PPARGC1A: variants seen among roughly 807,000 people sequenced by gnomAD.
The protein encoded by PPARGC1A is peroxisome proliferator-activated receptor gamma coactivator 1-alpha.
Under a neutral mutation model 88.7 loss-of-function variants are expected in PPARGC1A, and 25 were observed. That is an observed-to-expected ratio of 0.28 (90% CI 0.21 to 0.39). PPARGC1A has a LOEUF of 0.39. PPARGC1A is among the 10% of genes least tolerant of loss of function. PPARGC1A has a pLI of 1.00. For missense variants in PPARGC1A, 880 were observed against 968.7 expected, an observed-to-expected ratio of 0.91 and a Z score of 1.22; for synonymous variants, 363 against 355.6, an observed-to-expected ratio of 1.02 and a Z score of -0.24.
At chr4:24,148,298 C>T in the PPARGC1A span, among the ~76,000 whole-genome samples, 1 of 152,146 alleles carries the variant, frequency 6.6e-6, no homozygotes, top group African/African-American at 2.4e-5. Context: ...TCTTTGGCTC[C>T]TAAGGGCTAT....
the PPARGC1A span, among the ~76,000 whole-genome samples, chr4:23,990,038 A>G: frequency 6.8e-6 from 1 of 146,878 alleles, no homozygotes; most frequent in Non-Finnish European, 1.5e-5. Flanking sequence ...ATATCTATAT[A>G]TCCCTAGAAA....
chr4:24,005,046 T>A, the PPARGC1A span, among the ~76,000 whole-genome samples: 1 of 152,116 alleles, frequency 6.6e-6, no homozygotes, highest in African/African-American at 2.4e-5. Flanking sequence ...AAAACAGAGA[T>A]GAGGTCTTCA....
the PPARGC1A span, among the ~76,000 whole-genome samples, chr4:24,286,289 G>T: frequency 2.0e-5 from 3 of 152,140 alleles, no homozygotes; most frequent in Non-Finnish European, 4.4e-5. Context: ...AGAGGGAAAG[G>T]TATAGAATTA....
the PPARGC1A span, among the ~76,000 whole-genome samples, chr4:24,200,171 G>A: frequency 6.6e-6 from 1 of 152,156 alleles, no homozygotes; most frequent in African/African-American, 2.4e-5. Flanking sequence ...TATACAGCAT[G>A]ATACCACTAT....
chr4:24,113,119 A>G, the PPARGC1A span, among the ~76,000 whole-genome samples: 1 of 152,196 alleles, frequency 6.6e-6, no homozygotes. Context: ...TGACTTGGGC[A>G]TATATATAAT....
At chr4:23,840,009 A>C (rs950816167) in intron 2 of PPARGC1A, among the ~76,000 whole-genome samples, 1 of 152,038 alleles carries the variant, frequency 6.6e-6, no homozygotes, top group Admixed American at 6.6e-5. Flanking sequence ...ATCGGTTCCT[A>C]ACTGGCTTCC....
the PPARGC1A span, among the ~76,000 whole-genome samples, chr4:24,052,499 TG>T: frequency 6.6e-6 from 1 of 152,038 alleles, no homozygotes; most frequent in African/African-American, 2.4e-5. Flanking sequence ...TAGCTGGGCA[TG>T]GTGGTGCACA....
the PPARGC1A span, among the ~76,000 whole-genome samples, chr4:24,052,854 ATTTTTTTTTT>A: frequency 1.5e-5 from 1 of 65,790 alleles, no homozygotes; most frequent in Non-Finnish European, 2.7e-5. Context: ...GCGTACGCAG[ATTTTTTTTTT>A]TTTTTTTTTT....
chr4:24,309,017 A>G, the PPARGC1A span, among the ~76,000 whole-genome samples: 3 of 152,214 alleles, frequency 2.0e-5, no homozygotes, highest in Non-Finnish European at 4.4e-5. Context: ...ACATTAAAGA[A>G]GGAAATAATT....
intron 2 of PPARGC1A, among the ~76,000 whole-genome samples, chr4:23,832,437 C>T (rs1250259242): frequency 6.6e-6 from 1 of 152,108 alleles, no homozygotes; most frequent in African/African-American, 2.4e-5. Context: ...TTTCTTTTGA[C>T]TTCTTTAGTT....
At chr4:24,377,482 C>T in the PPARGC1A span, among the ~76,000 whole-genome samples, 2 of 152,110 alleles carry the variant, frequency 1.3e-5, no homozygotes, top group South Asian at 4.2e-4. Flanking sequence ...TCCTGGACTC[C>T]AACTACGGTG....
chr4:24,126,267 C>CCACA, the PPARGC1A span, among the ~76,000 whole-genome samples: 4,529 of 146,508 alleles, frequency 0.031, 148 homozygotes, highest in African/African-American at 0.087. Flanking sequence ...TGGCTTCTCA[C>CCACA]CACACACACA....
At chr4:24,213,261 G>A in the PPARGC1A span, among the ~76,000 whole-genome samples, 7 of 150,982 alleles carry the variant, frequency 4.6e-5, no homozygotes, top group African/African-American at 1.5e-4. Flanking sequence ...CCGCCTCCCG[G>A]GTTCACGCCA....
intron 2 of PPARGC1A, among the ~76,000 whole-genome samples, chr4:23,865,744 A>G (rs74893741): frequency 0.13 from 19,599 of 152,186 alleles, 1,836 homozygotes; most frequent in Non-Finnish European, 0.19. Flanking sequence ...CCTCACAGGT[A>G]GCATCTGCGG....
chr4:23,962,482 T>C, the PPARGC1A span, among the ~76,000 whole-genome samples: 4 of 152,126 alleles, frequency 2.6e-5, no homozygotes, highest in Non-Finnish European at 4.4e-5. Context: ...GAGTCTACCA[T>C]CTCTGAGTCC....
rs967326693 is a variant in PPARGC1A at position 23,794,037 on chromosome 4, G to A, written c.*1785C>T. ...GTAAAAAATACAGATAAATACCATC[G>A]TCATACTCTGCCAAGGGAAAGAAAT... On this transcript the variant is annotated 3_prime_UTR_variant, in exon 13 of 13. Transcript: ENST00000264867. 9 of 152,438 alleles carry A rather than the reference G, an allele frequency of 5.9e-5. No individual in the cohort carries two copies. Among genetic ancestry groups the A allele is most frequent in the African/African-American group, 1.4e-4 (6 of 41,382 alleles). 9.4% of individuals were successfully genotyped at this position (152,438 alleles called of 1,614,324 possible).
chr4:24,327,791 T>C, the PPARGC1A span, among the ~76,000 whole-genome samples: 2 of 152,134 alleles, frequency 1.3e-5, no homozygotes, highest in Admixed American at 1.3e-4. Flanking sequence ...CTATTTTGTT[T>C]TATTTTTCTT....
At chr4:24,023,356 C>T in the PPARGC1A span, among the ~76,000 whole-genome samples, 1 of 151,926 alleles carries the variant, frequency 6.6e-6, no homozygotes, top group Non-Finnish European at 1.5e-5. Context: ...AAGTTGAAGC[C>T]TAAGTTAACA....
At chr4:24,387,838 A>AAGAAAGAAAG in the PPARGC1A span, among the ~76,000 whole-genome samples, 5 of 72,504 alleles carry the variant, frequency 6.9e-5, no homozygotes, top group Middle Eastern at 7.0e-3. Context: ...GAAAGAGAGA[A>AAGAAAGAAAG]AGAGAGAGAG....
Sources: gnomAD v4.1 joint callset for allele counts (sites outside exome capture counted in the v4.1 genomes callset) on GRCh38, gnomAD v4.1.1 for gene constraint, MANE v1.5 for transcripts, NCBI Gene and HGNC (gene_info 2026-07-23, HGNC 2026-07-21) for gene names.